The following CCSER1 variants were observed in gnomAD, a reference collection of about 807,000 sequenced individuals.
CCSER1 encodes coiled-coil serine rich protein 1, also known as serine-rich coiled-coil domain-containing protein 1.
CCSER1 carries 41 observed loss-of-function variants against 82.0 expected under a neutral mutation model. The ratio of observed to expected loss-of-function variants is 0.50; its 90% confidence interval spans 0.39 to 0.65. The LOEUF (loss-of-function observed/expected upper bound fraction) is 0.65. Among genes scored for constraint, CCSER1 ranks in the 30% least tolerant of loss-of-function variants. The probability of loss-of-function intolerance (pLI) is 0.00; values close to 1 mark genes in which losing one functional copy is unlikely to be tolerated. For synonymous variants in CCSER1, 414 were observed against 383.9 expected (o/e 1.08, Z -0.92); for missense variants, 1,119 against 1,064.2 (o/e 1.05, Z -0.72).
chr4:90,839,067 G>C, intron 8 of CCSER1: 1 of 1,592,682 alleles, frequency 6.3e-7, no homozygotes, highest in Non-Finnish European at 8.6e-7. Context: ...AGCGAGGCGC[G>C]CGAGTACGAG....
intron 1 of CCSER1, among the ~76,000 whole-genome samples, chr4:90,303,268 A>G (rs912592892): frequency 6.6e-6 from 1 of 152,206 alleles, no homozygotes; most frequent in Non-Finnish European, 1.5e-5. Context: ...AATTGCTGCC[A>G]ATGACTTTCT....
At chr4:90,792,049 T>C (rs931956907) in intron 7 of CCSER1, among the ~76,000 whole-genome samples, 1 of 152,220 alleles carries the variant, frequency 6.6e-6, no homozygotes, top group Non-Finnish European at 1.5e-5. Context: ...GTTGTGTAAC[T>C]ATAATCTGTA....
At chr4:91,472,078 T>A (rs1757314253) in intron 10 of CCSER1, among the ~76,000 whole-genome samples, 1 of 152,138 alleles carries the variant, frequency 6.6e-6, no homozygotes, top group South Asian at 2.1e-4. Context: ...TTGGCACACA[T>A]GAAAAGAGGT....
intron 10 of CCSER1, among the ~76,000 whole-genome samples, chr4:91,554,468 TAAG>T (rs1762313030): frequency 6.6e-6 from 1 of 151,286 alleles, no homozygotes; most frequent in Non-Finnish European, 1.5e-5. Flanking sequence ...AAAAAAATCT[TAAG>T]AACTTGGAAT....
intron 6 of CCSER1, among the ~76,000 whole-genome samples, chr4:90,667,876 C>A (rs945242141): frequency 8.5e-5 from 13 of 152,058 alleles, no homozygotes; most frequent in Non-Finnish European, 1.5e-5. Flanking sequence ...ACACTCTATG[C>A]AAGACAAATA....
intron 3 of CCSER1, among the ~76,000 whole-genome samples, chr4:90,374,878 A>T (rs1386436845): frequency 1.3e-5 from 2 of 152,138 alleles, no homozygotes; most frequent in Non-Finnish European, 2.9e-5. Flanking sequence ...AAACCCCAAT[A>T]ATTAATGGGC....
At chr4:90,794,568 G>A (rs1266681804) in intron 7 of CCSER1, among the ~76,000 whole-genome samples, 1 of 152,132 alleles carries the variant, frequency 6.6e-6, no homozygotes, top group African/African-American at 2.4e-5. Context: ...ACTGTAGCCT[G>A]TATCATAGTT....
intron 6 of CCSER1, among the ~76,000 whole-genome samples, chr4:90,665,238 T>G (rs1190364189): frequency 6.6e-6 from 1 of 152,112 alleles, no homozygotes; most frequent in African/African-American, 2.4e-5. Flanking sequence ...GTGTTGTATG[T>G]CATGTATTTT....
chr4:91,546,434 G>A (rs1297271773), intron 10 of CCSER1, among the ~76,000 whole-genome samples: 1 of 151,958 alleles, frequency 6.6e-6, no homozygotes, highest in Non-Finnish European at 1.5e-5. Context: ...ATAGATTTAT[G>A]CCTTTTCAGA....
chr4:90,234,287 G>C (rs1387353392), intron 1 of CCSER1, among the ~76,000 whole-genome samples: 1 of 151,058 alleles, frequency 6.6e-6, no homozygotes, highest in East Asian at 1.9e-4. Context: ...CATGATCTCA[G>C]CTCACTGCAA....
At chr4:90,751,721 G>T (rs1748696135) in intron 7 of CCSER1, among the ~76,000 whole-genome samples, 1 of 151,888 alleles carries the variant, frequency 6.6e-6, no homozygotes, top group Admixed American at 6.6e-5. Flanking sequence ...CCAAATGGAA[G>T]TTTATTCTTT....
intron 10 of CCSER1, among the ~76,000 whole-genome samples, chr4:91,403,029 A>G (rs1444745560): frequency 6.6e-6 from 1 of 152,192 alleles, no homozygotes; most frequent in Non-Finnish European, 1.5e-5. Flanking sequence ...ATCCATGAGC[A>G]TGGACTGTTC....
intron 10 of CCSER1, among the ~76,000 whole-genome samples, chr4:91,348,837 T>G (rs1748252675): frequency 6.6e-6 from 1 of 152,154 alleles, no homozygotes; most frequent in Non-Finnish European, 1.5e-5. Context: ...GGTCTCTCAT[T>G]ATTTCTTCCT....
At chr4:91,429,673 T>C (rs1348030674) in intron 10 of CCSER1, among the ~76,000 whole-genome samples, 5 of 151,932 alleles carry the variant, frequency 3.3e-5, no homozygotes, top group Admixed American at 2.6e-4. Flanking sequence ...TTTACTGATA[T>C]TTATGCACAC....
intron 7 of CCSER1, chr4:90,780,469 C>T: frequency 6.2e-7 from 1 of 1,612,294 alleles, no homozygotes; most frequent in South Asian, 1.1e-5. Context: ...ATTCTGAAAA[C>T]CTGACTAACA....
chr4:91,179,047 C>A lies in CCSER1; in HGVS notation c.2217+93053C>A, dbSNP rs555398942. Among the ~76,000 whole-genome samples, 15 of 152,244 alleles carry A rather than the reference C, an allele frequency of 9.9e-5. No individual in the cohort carries two copies. The South Asian group carries it at 1.0e-3, about 11-fold the overall frequency. ...CTTGTCTGTAAAGAATTTTATTTCTCCTTCTTTTATGAAGCTTAGTTTGGC... is the reference window on the plus strand; with the variant it reads ...CTTGTCTGTAAAGAATTTTATTTCTACTTCTTTTATGAAGCTTAGTTTGGC... On this transcript the variant is annotated intron_variant, in intron 10 of 10. Coordinates refer to ENST00000509176, the MANE Select transcript of CCSER1 (RefSeq NM_001145065.2).
intron 8 of CCSER1, among the ~76,000 whole-genome samples, chr4:90,897,183 G>T (rs1045448147): frequency 6.6e-6 from 1 of 151,744 alleles, no homozygotes; most frequent in Non-Finnish European, 1.5e-5. Context: ...TTTGTTACAT[G>T]GGTATATTGT....
chr4:90,664,753 A>G (rs1185864352), intron 6 of CCSER1, among the ~76,000 whole-genome samples: 1 of 152,090 alleles, frequency 6.6e-6, no homozygotes, highest in Non-Finnish European at 1.5e-5. Flanking sequence ...ACACAAAATT[A>G]GCCTGGAATG....
intron 4 of CCSER1, among the ~76,000 whole-genome samples, chr4:90,410,804 A>G (rs1001788881): frequency 3.9e-5 from 6 of 152,236 alleles, no homozygotes; most frequent in Non-Finnish European, 8.8e-5. Context: ...TAGAGACACA[A>G]AAAACCCTTC....
Sources: allele counts gnomAD v4.1 joint callset (sites outside exome capture counted in the v4.1 genomes callset), GRCh38; gene constraint gnomAD v4.1.1; transcripts MANE v1.5; gene names NCBI Gene and HGNC (gene_info 2026-07-23, HGNC 2026-07-21).